Variants in EPHA5 observed in about 807,000 individuals in gnomAD.
EPHA5 encodes ephrin type-A receptor 5.
EPHA5 carries 60 observed loss-of-function variants against 105.0 expected under a neutral mutation model. The ratio of observed to expected loss-of-function variants is 0.57; its 90% CI spans 0.46 to 0.71. EPHA5 has a LOEUF of 0.71. EPHA5 is among the 30% of genes least tolerant of loss of function. The pLI is 0.00. For missense variants in EPHA5, 1,218 were observed against 1,274.7 expected, an observed-to-expected ratio of 0.96 and a Z score of 0.68; for synonymous variants, 513 against 449.1, an observed-to-expected ratio of 1.14 and a Z score of -1.80.
chr4:65,667,692 C>T (rs1750072890), intron 1 of EPHA5, among the ~76,000 whole-genome samples: 1 of 152,064 alleles, frequency 6.6e-6, no homozygotes, highest in African/African-American at 2.4e-5. Context: ...AGTCTTGGCT[C>T]TTGTTCCCAT....
At chr4:65,494,107 A>G (rs960359283) in intron 4 of EPHA5, among the ~76,000 whole-genome samples, 3 of 152,182 alleles carry the variant, frequency 2.0e-5, no homozygotes, top group Admixed American at 1.3e-4. Flanking sequence ...GCATTTATTC[A>G]TTTGAAGAGG....
intron 1 of EPHA5, among the ~76,000 whole-genome samples, chr4:65,648,304 A>C (rs1447753408): frequency 6.6e-6 from 1 of 152,228 alleles, no homozygotes; most frequent in Non-Finnish European, 1.5e-5. Context: ...CCACTACTTT[A>C]TCCTTAACAT....
At chr4:65,551,418 A>G (rs559564606) in intron 3 of EPHA5, among the ~76,000 whole-genome samples, 1 of 152,174 alleles carries the variant, frequency 6.6e-6, no homozygotes, top group South Asian at 2.1e-4. Context: ...GAAAACCAGA[A>G]TGTATATCTA....
intron 5 of EPHA5, among the ~76,000 whole-genome samples, chr4:65,430,361 A>G (rs1487573747): frequency 1.3e-5 from 2 of 152,030 alleles, no homozygotes; most frequent in Admixed American, 6.6e-5. Context: ...CTCAAGATGT[A>G]TTTTGAAAAA....
At chr4:65,339,370 C>T (rs1001170066) in intron 14 of EPHA5, among the ~76,000 whole-genome samples, 8 of 152,018 alleles carry the variant, frequency 5.3e-5, no homozygotes, top group African/African-American at 1.9e-4. Flanking sequence ...CAGAGTATGC[C>T]TTTTGCAGTA....
chr4:65,549,532 T>C (rs1737692711), intron 3 of EPHA5, among the ~76,000 whole-genome samples: 1 of 119,374 alleles, frequency 8.4e-6, no homozygotes, highest in South Asian at 3.1e-4. Flanking sequence ...GAGTTACTGG[T>C]ATCAAGTGTT....
intron 5 of EPHA5, among the ~76,000 whole-genome samples, chr4:65,468,010 C>A (rs1245399586): frequency 1.3e-5 from 2 of 152,130 alleles, no homozygotes; most frequent in Non-Finnish European, 2.9e-5. Context: ...CGAAGAGAAA[C>A]ACAGTCCTGC....
chr4:65,580,210 T>C (rs919981570), intron 3 of EPHA5, among the ~76,000 whole-genome samples: 10 of 151,898 alleles, frequency 6.6e-5, no homozygotes, highest in African/African-American at 2.4e-4. Context: ...AAAATAGGCA[T>C]ATATAAACTT....
At chr4:65,571,377 T>C (rs1560712214) in intron 3 of EPHA5, among the ~76,000 whole-genome samples, 1 of 149,414 alleles carries the variant, frequency 6.7e-6, no homozygotes, top group Non-Finnish European at 1.5e-5. Context: ...AATCAATAAG[T>C]GTTAAAGTAG....
At chr4:65,520,739 G>T (rs1190501960) in intron 3 of EPHA5, among the ~76,000 whole-genome samples, 1 of 152,122 alleles carries the variant, frequency 6.6e-6, no homozygotes, top group Non-Finnish European at 1.5e-5. Context: ...CTTCTCAAAA[G>T]AAGACATTTA....
At chr4:65,532,743 G>T (rs752833432) in intron 3 of EPHA5, among the ~76,000 whole-genome samples, 1 of 139,656 alleles carries the variant, frequency 7.2e-6, no homozygotes, top group Admixed American at 7.6e-5. Context: ...ATCTTCTAGT[G>T]CATAAAACAA....
intron 5 of EPHA5, among the ~76,000 whole-genome samples, chr4:65,473,882 G>T (rs1445580289): frequency 6.2e-5 from 2 of 32,480 alleles, no homozygotes; most frequent in African/African-American, 8.4e-5. Flanking sequence ...TGTTTTGTAA[G>T]GGCTTTTTTT....
intron 3 of EPHA5, among the ~76,000 whole-genome samples, chr4:65,497,723 C>T (rs1732081979): frequency 6.6e-6 from 1 of 151,972 alleles, no homozygotes; most frequent in Admixed American, 6.6e-5. Context: ...TTAACTTAAA[C>T]ACTTTATATT....
At chr4:65,540,867 A>T (rs1384305109) in intron 3 of EPHA5, among the ~76,000 whole-genome samples, 2 of 36,988 alleles carry the variant, frequency 5.4e-5, no homozygotes, top group Non-Finnish European at 6.7e-5. Flanking sequence ...CAATTTTATA[A>T]AAAAAAAAAA....
At chr4:65,506,288 T>C (rs1265980239) in intron 3 of EPHA5, among the ~76,000 whole-genome samples, 1 of 151,750 alleles carries the variant, frequency 6.6e-6, no homozygotes, top group African/African-American at 2.4e-5. Context: ...TTTGCTGTTG[T>C]GAATAGTGCC....
chr4:65,331,641 C>A, intron 16 of EPHA5: 1 of 1,082,812 alleles, frequency 9.2e-7, no homozygotes, highest in Non-Finnish European at 1.1e-6. Context: ...TTTGTATTTA[C>A]ATTCATATAA....
At chr4:65,573,615 G>A in intron 3 of EPHA5, 6 of 1,599,872 alleles carry the variant, frequency 3.8e-6, no homozygotes, top group Non-Finnish European at 5.1e-6. Context: ...CCTTGTCAGA[G>A]GAATTGGCAG....
intron 5 of EPHA5, among the ~76,000 whole-genome samples, chr4:65,484,191 T>C (rs187015376): frequency 2.9e-3 from 447 of 152,226 alleles, no homozygotes; most frequent in African/African-American, 0.01. Context: ...CCAACAAGTA[T>C]TTGCCGCTTT....
At chr4:65,396,951 AG>A (rs1230575763) in intron 8 of EPHA5, among the ~76,000 whole-genome samples, 1 of 152,190 alleles carries the variant, frequency 6.6e-6, no homozygotes, top group Non-Finnish European at 1.5e-5. Context: ...CACAAGAAAA[AG>A]GGAGAGGCTC....
Sources: gnomAD v4.1 joint callset for allele counts (sites outside exome capture counted in the v4.1 genomes callset) on GRCh38, gnomAD v4.1.1 for gene constraint, MANE v1.5 for transcripts, NCBI Gene and HGNC (gene_info 2026-07-23, HGNC 2026-07-21) for gene names.